The following TXNDC8 variants were observed in gnomAD, a reference collection of about 807,000 sequenced individuals.
TXNDC8 encodes thioredoxin domain-containing protein 8.
A neutral mutation model predicts 12.9 loss-of-function variants in TXNDC8; 15 were observed. That is an observed-to-expected ratio of 1.16 (90% CI 0.78 to 1.79). The LOEUF (loss-of-function observed/expected upper bound fraction) is 1.79. Ranked by LOEUF, TXNDC8 falls within the 40% of genes most tolerant of loss-of-function variation. The probability of loss-of-function intolerance (pLI) is 0.00; values close to 1 mark genes in which losing one functional copy is unlikely to be tolerated. For missense variants in TXNDC8, 128 were observed against 113.2 expected (o/e 1.13, Z -0.59); for synonymous variants, 40 against 35.4 (o/e 1.13, Z -0.46).
intron 3 of TXNDC8, among the ~76,000 whole-genome samples, chr9:110,312,432 C>G (rs1375471967): frequency 1.3e-5 from 2 of 152,010 alleles, no homozygotes; most frequent in African/African-American, 4.8e-5. Flanking sequence ...GAAAACTGGC[C>G]TCATACCTTG....
At chr9:110,335,281 G>T (rs982101846) in intron 1 of TXNDC8, among the ~76,000 whole-genome samples, 1 of 151,912 alleles carries the variant, frequency 6.6e-6, no homozygotes, top group Non-Finnish European at 1.5e-5. Flanking sequence ...TGTTCATCCA[G>T]GCTGGGGTGT....
chr9:110,303,832 A>G (rs889710916), intron 4 of TXNDC8: 11 of 752,038 alleles, frequency 1.5e-5, no homozygotes, highest in Non-Finnish European at 1.9e-5. Flanking sequence ...TATACCTTTA[A>G]TCTAAGATCT....
At chr9:110,311,861 A>G (rs1031170243) in intron 3 of TXNDC8, among the ~76,000 whole-genome samples, 2 of 145,718 alleles carry the variant, frequency 1.4e-5, no homozygotes, top group East Asian at 3.9e-4. Flanking sequence ...TATACTATAT[A>G]CTATATATAT....
At chr9:110,322,618 G>A (rs1427999758) in intron 3 of TXNDC8, 4 of 985,290 alleles carry the variant, frequency 4.1e-6, no homozygotes, top group Non-Finnish European at 2.4e-6. Context: ...AGAACTCAGA[G>A]TCTTGTGTCA....
intron 2 of TXNDC8, among the ~76,000 whole-genome samples, chr9:110,331,853 G>T (rs1189780431): frequency 6.6e-6 from 1 of 152,204 alleles, no homozygotes; most frequent in Non-Finnish European, 1.5e-5. Flanking sequence ...CTCACCTCCT[G>T]CTGTGTGGCC....
downstream of TXNDC8, among the ~76,000 whole-genome samples, chr9:110,302,167 T>A (rs1312305256): frequency 1.3e-5 from 2 of 151,806 alleles, no homozygotes; most frequent in African/African-American, 4.8e-5. Flanking sequence ...TTTTTGTATT[T>A]TTTTTTTCTT....
At chr9:110,314,118 T>C (rs1193617561) in intron 3 of TXNDC8, among the ~76,000 whole-genome samples, 1 of 152,226 alleles carries the variant, frequency 6.6e-6, no homozygotes, top group Non-Finnish European at 1.5e-5. Flanking sequence ...CTCACTGAGA[T>C]AAATCCAAAT....
At chr9:110,324,186 T>C (rs975740884) in intron 3 of TXNDC8, among the ~76,000 whole-genome samples, 6 of 152,164 alleles carry the variant, frequency 3.9e-5, no homozygotes, top group African/African-American at 1.4e-4. Context: ...GCTGCATGGA[T>C]GAAACTGATT....
chr9:110,317,328 G>A (rs1838922178), intron 3 of TXNDC8, among the ~76,000 whole-genome samples: 3 of 152,240 alleles, frequency 2.0e-5, no homozygotes, highest in Non-Finnish European at 4.4e-5. Context: ...GCCCAGTTTT[G>A]AGAAAATATG....
chr9:110,301,708 A>C (rs561858923), downstream of TXNDC8, among the ~76,000 whole-genome samples: 20 of 152,340 alleles, frequency 1.3e-4, no homozygotes, highest in Non-Finnish European at 2.6e-4. Flanking sequence ...ATCTGTAGCA[A>C]CATAAAGGAT....
intron 2 of TXNDC8, among the ~76,000 whole-genome samples, chr9:110,333,163 C>T (rs1451092132): frequency 6.6e-6 from 1 of 152,068 alleles, no homozygotes; most frequent in Non-Finnish European, 1.5e-5. Flanking sequence ...ACCAGGCATC[C>T]TCAATCCCAG....
At chr9:110,325,312 A>G (rs111613811) in intron 3 of TXNDC8, among the ~76,000 whole-genome samples, 1 of 152,158 alleles carries the variant, frequency 6.6e-6, no homozygotes, top group Non-Finnish European at 1.5e-5. Context: ...AAAATTTATT[A>G]TGATTCATGT....
intron 3 of TXNDC8, among the ~76,000 whole-genome samples, chr9:110,311,599 C>A (rs1270639028): frequency 1.4e-5 from 1 of 69,788 alleles, no homozygotes; most frequent in African/African-American, 4.4e-5. Context: ...TTACTATATC[C>A]ATATATATAT....
intron 3 of TXNDC8, among the ~76,000 whole-genome samples, chr9:110,313,275 C>T (rs1033225546): frequency 8.5e-5 from 13 of 152,130 alleles, no homozygotes; most frequent in African/African-American, 2.4e-4. Flanking sequence ...AATTTGGAGT[C>T]ACTGAAAACT....
chr9:110,335,087 T>C (rs748053365), intron 1 of TXNDC8, among the ~76,000 whole-genome samples: 2 of 152,190 alleles, frequency 1.3e-5, no homozygotes, highest in Non-Finnish European at 2.9e-5. Context: ...CCTACACTAG[T>C]TATTTCATGC....
chr9:110,301,929 G>A (rs976445588), downstream of TXNDC8, among the ~76,000 whole-genome samples: 8 of 151,916 alleles, frequency 5.3e-5, no homozygotes, highest in African/African-American at 1.7e-4. Context: ...AAACTAGTAT[G>A]TGCTGGTTTC....
At chr9:110,324,234 T>A (rs1839222165) in intron 3 of TXNDC8, among the ~76,000 whole-genome samples, 1 of 151,876 alleles carries the variant, frequency 6.6e-6, no homozygotes, top group Admixed American at 6.6e-5. Context: ...GAAATGGGAG[T>A]GAAGGAGAAG....
chr9:110,318,085 A>G (rs1335467028), intron 3 of TXNDC8, among the ~76,000 whole-genome samples: 1 of 152,164 alleles, frequency 6.6e-6, no homozygotes, highest in Non-Finnish European at 1.5e-5. Context: ...AGATAAGTGT[A>G]TGTCACAACT....
chr9:110,315,086 C>T (rs1356274987), intron 3 of TXNDC8, among the ~76,000 whole-genome samples: 6 of 152,080 alleles, frequency 3.9e-5, no homozygotes, highest in Non-Finnish European at 8.8e-5. Flanking sequence ...CCTGCATTTG[C>T]CCATCATCCA....
Sources: allele counts gnomAD v4.1 joint callset (sites outside exome capture counted in the v4.1 genomes callset), GRCh38; gene constraint gnomAD v4.1.1; transcripts MANE v1.5; gene names NCBI Gene and HGNC (gene_info 2026-07-23, HGNC 2026-07-21).